DMD: variants seen among roughly 807,000 people sequenced by gnomAD.
DMD encodes dystrophin, also known as mutant dystrophin.
DMD carries 63 observed loss-of-function variants against 330.1 expected under a neutral mutation model. The observed-to-expected ratio is 0.19, with a 90% CI of 0.16 to 0.24. The LOEUF (loss-of-function observed/expected upper bound fraction) is 0.24. DMD is among the 10% of genes least tolerant of loss of function. DMD has a pLI of 1.00. For synonymous variants in DMD, 1,223 were observed against 959.8 expected (o/e 1.27, Z -5.07); for missense variants, 3,344 against 2,684.1 (o/e 1.25, Z -5.43).
chrX:31,318,601 C>G (rs7877127), intron 62 of DMD, among the ~76,000 whole-genome samples: 20,482 of 111,455 alleles, frequency 0.18, 1,669 homozygotes, highest in African/African-American at 0.3. Flanking sequence ...AAGGGTCGAT[C>G]AAGGTCATCA....
chrX:31,189,999 C>G (rs2042161771), intron 67 of DMD, among the ~76,000 whole-genome samples: 1 of 112,324 alleles, frequency 8.9e-6, no homozygotes, highest in South Asian at 3.7e-4. Context: ...ACAGAATGAT[C>G]TGGCTTAAAA....
chrX:32,872,185 T>C (rs1188727352), intron 2 of DMD, among the ~76,000 whole-genome samples: 2 of 111,356 alleles, frequency 1.8e-5, no homozygotes, highest in Non-Finnish European at 3.8e-5. Context: ...TTAAGTCCCT[T>C]TAAATTTAAA....
At chrX:32,439,891 T>C (rs1371198260) in intron 28 of DMD, among the ~76,000 whole-genome samples, 1 of 111,457 alleles carries the variant, frequency 9.0e-6, no homozygotes, top group Non-Finnish European at 1.9e-5. Flanking sequence ...TTGTCTGTGT[T>C]GTGGGCATTG....
intron 48 of DMD, among the ~76,000 whole-genome samples, chrX:31,861,410 A>T (rs144874841): frequency 0.011 from 1,247 of 110,237 alleles, 20 homozygotes; most frequent in African/African-American, 0.039. Flanking sequence ...TGACGCAGCC[A>T]TTCGACGGCT....
At chrX:32,880,046 G>C (rs755482781) in intron 2 of DMD, among the ~76,000 whole-genome samples, 8 of 110,934 alleles carry the variant, frequency 7.2e-5, no homozygotes, top group Non-Finnish European at 1.3e-4. Context: ...AAAACTTCCT[G>C]GTTTTTTTGA....
chrX:32,889,163 A>G (rs759908450), intron 2 of DMD, among the ~76,000 whole-genome samples: 1 of 110,848 alleles, frequency 9.0e-6, no homozygotes, highest in Non-Finnish European at 1.9e-5. Context: ...AAGTTATGTC[A>G]GACCCAGGCA....
intron 55 of DMD, among the ~76,000 whole-genome samples, chrX:31,528,789 T>A (rs1411563333): frequency 9.1e-6 from 1 of 110,356 alleles, no homozygotes; most frequent in African/African-American, 3.3e-5. Context: ...GATCCTATAG[T>A]TCATTGTCCA....
rs2091073346 is a variant in DMD at position 32,949,382 on chromosome X, A to G, written c.93+70757T>C. Among the ~76,000 whole-genome samples, 7 of 108,715 alleles carry G rather than the reference A, an allele frequency of 6.4e-5. No homozygotes were observed. The South Asian group carries it at 2.8e-3, about 44-fold the overall frequency. 94.4% of individuals were successfully genotyped at this position (108,715 alleles called of 115,157 possible). On this transcript the variant is annotated intron_variant, in intron 2 of 78. Transcript: ENST00000357033. ...GATAGATAGATAGATAGATAGATAG[A>G]TAGATAGATAGACAGACAGACAGAC...
intron 1 of DMD, among the ~76,000 whole-genome samples, chrX:33,111,655 C>T (rs780581825): frequency 1.3e-3 from 149 of 111,793 alleles, no homozygotes; most frequent in African/African-American, 4.4e-3. Flanking sequence ...AGGCTCGATT[C>T]GAGTGCGATG....
At chrX:31,416,703 G>A (rs1417833263) in intron 60 of DMD, among the ~76,000 whole-genome samples, 2 of 112,086 alleles carry the variant, frequency 1.8e-5, no homozygotes, top group South Asian at 3.7e-4. Context: ...ATGAAGCTGC[G>A]GCTTGAGGTA....
chrX:31,201,061 C>G (rs1045088704), intron 67 of DMD, among the ~76,000 whole-genome samples: 2 of 110,899 alleles, frequency 1.8e-5, no homozygotes, highest in African/African-American at 6.6e-5. Flanking sequence ...TGCCGTGGCT[C>G]ACGCCTGTAC....
intron 44 of DMD, among the ~76,000 whole-genome samples, chrX:32,164,938 C>T (rs1190332432): frequency 2.7e-5 from 3 of 112,205 alleles, no homozygotes; most frequent in Non-Finnish European, 5.6e-5. Context: ...GCAACTGCCA[C>T]GTGGTGTTGA....
chrX:31,266,743 C>T lies in DMD; in HGVS notation c.9225-5727G>A, dbSNP rs370184176. 2,124 of 1,073,749 alleles carry T rather than the reference C, an allele frequency of 2.0e-3. 30 individuals are homozygous for T. In the African/African-American group the frequency reaches 0.034, roughly 17 times the overall value. 88.5% of individuals were successfully genotyped at this position (1,073,749 alleles called of 1,213,427 possible). On this transcript the variant is annotated intron_variant, in intron 62 of 78. Coordinates refer to ENST00000357033, the MANE Select transcript of DMD (RefSeq NM_004006.3). ...CCAAGTTTTGACCGCCTCAGCTTGC[C>T]CCCTGCTCGCGCCACAAGTGCACGG...
intron 43 of DMD, among the ~76,000 whole-genome samples, chrX:32,259,034 A>G (rs932550759): frequency 2.7e-5 from 3 of 111,172 alleles, no homozygotes; most frequent in Non-Finnish European, 5.6e-5. Flanking sequence ...TTTTAAATGA[A>G]TATAGACAGG....
intron 1 of DMD, among the ~76,000 whole-genome samples, chrX:33,087,452 T>A (rs1366743819): frequency 8.9e-6 from 1 of 112,031 alleles, no homozygotes; most frequent in African/African-American, 3.2e-5. Context: ...GAGGTTATAT[T>A]GCCCTCTTCC....
intron 50 of DMD, among the ~76,000 whole-genome samples, chrX:31,802,618 A>G (rs1248335588): frequency 8.9e-6 from 1 of 111,733 alleles, no homozygotes; most frequent in Non-Finnish European, 1.9e-5. Flanking sequence ...ATGACCCCCA[A>G]GATTTTGTTA....
At chrX:32,444,489 AGTTGTAACAAATG>A (rs1370902633) in intron 27 of DMD, among the ~76,000 whole-genome samples, 1 of 111,402 alleles carries the variant, frequency 9.0e-6, no homozygotes, top group Non-Finnish European at 1.9e-5. Flanking sequence ...GGGAGTCATT[AGTTGTAACAAATG>A]GTAGAATCCA....
chrX:32,504,520 T>A (rs228318), intron 18 of DMD, among the ~76,000 whole-genome samples: 73 of 109,037 alleles, frequency 6.7e-4, no homozygotes, highest in African/African-American at 2.1e-3. Context: ...CCAGCTACTC[T>A]GGAGGCTGAG....
At chrX:32,574,360 T>C (rs1236055554) in intron 13 of DMD, among the ~76,000 whole-genome samples, 2 of 111,982 alleles carry the variant, frequency 1.8e-5, no homozygotes, top group African/African-American at 6.5e-5. Context: ...ATTTTCTCAA[T>C]TATTACAAAA....
Sources: allele counts gnomAD v4.1 joint callset (sites outside exome capture counted in the v4.1 genomes callset), GRCh38; gene constraint gnomAD v4.1.1; transcripts MANE v1.5; gene names NCBI Gene and HGNC (gene_info 2026-07-23, HGNC 2026-07-21).